The following INPP4A variants were observed in gnomAD, a reference collection of about 807,000 sequenced individuals.
INPP4A encodes inositol polyphosphate-4-phosphatase, type I, 107kD.
In INPP4A, 33 loss-of-function variants were observed where a neutral mutation model predicts 119.8. That is an observed-to-expected ratio of 0.28 (90% CI 0.21 to 0.37). The LOEUF is 0.37. Among genes scored for constraint, INPP4A ranks in the 10% least tolerant of loss-of-function variants. INPP4A has a pLI of 1.00. For missense variants in INPP4A, 956 were observed against 1,289.9 expected, an observed-to-expected ratio of 0.74 and a Z score of 3.97; for synonymous variants, 496 against 500.7, an observed-to-expected ratio of 0.99 and a Z score of 0.12.
intron 1 of INPP4A, among the ~76,000 whole-genome samples, chr2:98,492,386 C>T (rs1231687280): frequency 2.6e-5 from 4 of 152,074 alleles, no homozygotes; most frequent in African/African-American, 9.7e-5. Context: ...AAGTTTCTAC[C>T]CAAGTTGTAT....
intron 1 of INPP4A, among the ~76,000 whole-genome samples, chr2:98,459,282 TC>T (rs1347192465): frequency 2.0e-5 from 3 of 152,062 alleles, no homozygotes; most frequent in African/African-American, 7.2e-5. Context: ...CGCCCACTCC[TC>T]CCTACCCTGG....
chr2:98,448,537 C>T (rs532144362), intron 1 of INPP4A, among the ~76,000 whole-genome samples: 80 of 152,198 alleles, frequency 5.3e-4, no homozygotes, highest in African/African-American at 1.9e-3. Flanking sequence ...AAAGTTACCA[C>T]GTCTTTCTTT....
At chr2:98,572,182 T>A (rs1402178634) in intron 22 of INPP4A, among the ~76,000 whole-genome samples, 1 of 151,654 alleles carries the variant, frequency 6.6e-6, no homozygotes, top group Non-Finnish European at 1.5e-5. Context: ...TTTCCAGGAG[T>A]GGTTGATTTT....
intron 16 of INPP4A, among the ~76,000 whole-genome samples, chr2:98,557,703 CT>C (rs1333090525): frequency 2.0e-5 from 3 of 152,260 alleles, no homozygotes; most frequent in Admixed American, 2.0e-4. Flanking sequence ...CAGAGCTGCC[CT>C]GCCCTGATCA....
intron 24 of INPP4A, among the ~76,000 whole-genome samples, chr2:98,584,361 A>G (rs1480070555): frequency 2.0e-5 from 3 of 152,182 alleles, no homozygotes; most frequent in Non-Finnish European, 4.4e-5. Context: ...GTGCACTCCC[A>G]CTTCCACAGC....
Position 98,546,308 on chromosome 2 carries a change from GC to G in INPP4A, c.1054+238del, listed in dbSNP as rs1208700891. On this transcript the variant is annotated intron_variant, in intron 12 of 24. Coordinates refer to ENST00000409851, the MANE Select transcript of INPP4A (RefSeq NM_001134225.2). The surrounding 1 kb of genome is among the most constrained non-coding windows in gnomAD (Gnocchi z 4.2). ...TTCTGCAGTAGAAAGTTGCCTGTCG[GC>G]CCTTCTTCCCAAGGAGGGATGCAAA... 1.3e-5 allele frequency among the ~76,000 whole-genome samples: 2 copies of G among 152,216 alleles called. No individual in the cohort carries two copies. The highest frequency in any genetic ancestry group is 2.4e-5 in the African/African-American group (1 of 41,432).
intron 1 of INPP4A, among the ~76,000 whole-genome samples, chr2:98,460,879 A>C (rs1458957071): frequency 6.6e-6 from 1 of 152,164 alleles, no homozygotes; most frequent in South Asian, 2.1e-4. Flanking sequence ...CCTCTAATCC[A>C]CCTGTGAAAC....
chr2:98,471,333 G>T (rs912062264), intron 1 of INPP4A, among the ~76,000 whole-genome samples: 1 of 152,178 alleles, frequency 6.6e-6, no homozygotes, highest in Non-Finnish European at 1.5e-5. Flanking sequence ...AAAAAATTGA[G>T]CTTTGAAAAG....
At chr2:98,585,356 C>A (rs1699834593) in intron 24 of INPP4A, among the ~76,000 whole-genome samples, 1 of 152,184 alleles carries the variant, frequency 6.6e-6, no homozygotes, top group African/African-American at 2.4e-5. Context: ...TTTTAATTTT[C>A]ATTTCAAAAA....
intron 4 of INPP4A, among the ~76,000 whole-genome samples, chr2:98,521,945 A>C (rs1359156710): frequency 6.6e-5 from 10 of 152,056 alleles, no homozygotes; most frequent in Admixed American, 6.6e-4. Flanking sequence ...AGAAACAAAA[A>C]ATAGAATTTG....
At chr2:98,445,122 G>T in intron 1 of INPP4A, 37 bp downstream of exon 1, 1 of 151,028 alleles carries the variant, frequency 6.6e-6, no homozygotes, top group South Asian at 1.8e-4. Context: ...CGACGCGGCC[G>T]CCGCGGGGGC....
chr2:98,475,401 C>CA (rs1677008181), intron 1 of INPP4A, among the ~76,000 whole-genome samples: 1 of 152,186 alleles, frequency 6.6e-6, no homozygotes, highest in Non-Finnish European at 1.5e-5. Context: ...GGCGGTGTTT[C>CA]AAGTTCTGAG....
intron 24 of INPP4A, 58 bp from the exon 25 acceptor site, chr2:98,587,416 TAA>T: frequency 6.8e-7 from 1 of 1,471,828 alleles, no homozygotes; most frequent in Non-Finnish European, 9.1e-7. Flanking sequence ...CATCTTAGTT[TAA>T]GTCTTTTCTT....
intron 17 of INPP4A, among the ~76,000 whole-genome samples, chr2:98,559,891 C>G (rs1329957030): frequency 6.6e-6 from 1 of 152,204 alleles, no homozygotes; most frequent in Non-Finnish European, 1.5e-5. Context: ...TCTTTGCTTC[C>G]TTTGCATGTA....
At chr2:98,452,909 C>T (rs1695475262) in intron 1 of INPP4A, among the ~76,000 whole-genome samples, 1 of 152,178 alleles carries the variant, frequency 6.6e-6, no homozygotes, top group Non-Finnish European at 1.5e-5. Context: ...TAGGGGTTGC[C>T]TACGCTGCTA....
intron 10 of INPP4A, among the ~76,000 whole-genome samples, 189 bp downstream of exon 10, chr2:98,539,864 A>G (rs1691064705): frequency 6.6e-6 from 1 of 152,182 alleles, no homozygotes; most frequent in East Asian, 1.9e-4. Flanking sequence ...ATTCCTGTGC[A>G]AGGATTTCAT....
At chr2:98,561,360 G>T (rs768398650) in intron 17 of INPP4A, among the ~76,000 whole-genome samples, 5 of 152,184 alleles carry the variant, frequency 3.3e-5, no homozygotes, top group Non-Finnish European at 5.9e-5. Context: ...CGATTCCAGT[G>T]ACCCAGGTGC....
intron 10 of INPP4A, among the ~76,000 whole-genome samples, chr2:98,542,663 G>T (rs1193406391): frequency 4.6e-5 from 7 of 151,684 alleles, no homozygotes; most frequent in African/African-American, 1.7e-4. Flanking sequence ...TATGCTTTTT[G>T]TTTTTAAATC....
At chr2:98,450,181 T>C (rs1330926132) in intron 1 of INPP4A, among the ~76,000 whole-genome samples, 2 of 152,206 alleles carry the variant, frequency 1.3e-5, no homozygotes, top group African/African-American at 4.8e-5. Context: ...CTGGACATCC[T>C]GTGGGAGGTT....
Sources: allele counts gnomAD v4.1 joint callset (sites outside exome capture counted in the v4.1 genomes callset), GRCh38; gene constraint gnomAD v4.1.1; non-coding constraint Gnocchi (gnomAD v3.1); transcripts MANE v1.5; gene names NCBI Gene and HGNC (gene_info 2026-07-23, HGNC 2026-07-21).